The following BORA variants were observed in gnomAD, a reference collection of about 807,000 sequenced individuals.
The protein encoded by BORA is BORA aurora kinase A activator, also known as protein aurora borealis.
In BORA, 26 loss-of-function variants were observed where a neutral mutation model predicts 55.8. That is an observed-to-expected ratio of 0.47 (90% CI 0.34 to 0.65). The LOEUF is 0.65. Among genes scored for constraint, BORA ranks in the 30% least tolerant of loss-of-function variants. BORA has a pLI of 0.01. For missense variants in BORA, 568 were observed against 671.5 expected, an observed-to-expected ratio of 0.85 and a Z score of 1.70; for synonymous variants, 201 against 216.9, an observed-to-expected ratio of 0.93 and a Z score of 0.64.
intron 1 of BORA, 199 bp downstream of exon 1, chr13:72,728,206 C>A: frequency 1.3e-6 from 1 of 760,782 alleles, no homozygotes; most frequent in Non-Finnish European, 2.3e-6. Flanking sequence ...TCCAGGGAAG[C>A]CGGCTGCATC....
intron 10 of BORA, chr13:72,752,244 CTT>C (rs2033296232): frequency 1.3e-5 from 2 of 152,152 alleles, no homozygotes; most frequent in Non-Finnish European, 2.9e-5. Flanking sequence ...TAGAACATGA[CTT>C]TTTAATTTTT....
intron 5 of BORA, among the ~76,000 whole-genome samples, chr13:72,741,077 T>C (rs1410160956): frequency 6.6e-6 from 1 of 152,260 alleles, no homozygotes; most frequent in Non-Finnish European, 1.5e-5. Flanking sequence ...TTAATATTTA[T>C]GCAGCAAGGT....
chr13:72,744,964 C>A lies in BORA; in HGVS notation c.512-17C>A. On this transcript the variant is annotated splice_polypyrimidine_tract_variant and intron_variant, in intron 7 of 11. Transcript: ENST00000390667. The stretch of plus-strand genomic sequence containing the variant: ...TAAAATGACTAGCTTTGCCTTTTCT[C>A]CTATTATTAAATATAGGTGACTATT... 1 of 1,605,050 alleles carries A rather than the reference C, an allele frequency of 6.2e-7. No individual in the cohort carries two copies. The highest frequency in any genetic ancestry group is 8.5e-7 in the Non-Finnish European group (1 of 1,173,220).
intron 2 of BORA, among the ~76,000 whole-genome samples, chr13:72,730,497 A>C (rs1052076092): frequency 3.3e-5 from 5 of 152,192 alleles, no homozygotes; most frequent in African/African-American, 1.2e-4. Flanking sequence ...ACAGAAAGGC[A>C]GCACTGGTTG....
At chr13:72,733,233 A>T (rs180869590) in intron 3 of BORA, among the ~76,000 whole-genome samples, 85 of 152,298 alleles carry the variant, frequency 5.6e-4, no homozygotes, top group Middle Eastern at 3.4e-3. Context: ...CCTCTACTTC[A>T]ATTCTTCCCA....
chr13:72,738,431 T>TA (rs1310374372), intron 5 of BORA, among the ~76,000 whole-genome samples: 1 of 152,174 alleles, frequency 6.6e-6, no homozygotes, highest in Non-Finnish European at 1.5e-5. Flanking sequence ...GCTGATTTCT[T>TA]ATAAAGGTAA....
intron 5 of BORA, 80 bp from the exon 6 acceptor site, chr13:72,743,457 A>G (rs1286828491): frequency 2.0e-6 from 2 of 1,000,946 alleles, no homozygotes; most frequent in Non-Finnish European, 2.8e-6. Flanking sequence ...CACTTTCTTA[A>G]TTTTTTACTT....
chr13:72,752,856 C>A (rs1420189079), intron 10 of BORA: 1 of 152,158 alleles, frequency 6.6e-6, no homozygotes, highest in Non-Finnish European at 1.5e-5. Flanking sequence ...TCCCTCTGAT[C>A]CTAACTTGCA....
At chr13:72,742,088 C>T (rs962155472) in intron 5 of BORA, among the ~76,000 whole-genome samples, 3 of 152,102 alleles carry the variant, frequency 2.0e-5, no homozygotes, top group African/African-American at 7.2e-5. Flanking sequence ...GTGACAAAGT[C>T]ATCTGCATCC....
chr13:72,746,963 C>T lies in BORA; in HGVS notation c.1334C>T (p.Thr445Ile). 2 of 1,614,052 alleles carry T rather than the reference C, an allele frequency of 1.2e-6. No individual in the cohort carries two copies. The highest frequency in any genetic ancestry group is 1.7e-6 in the Non-Finnish European group (2 of 1,179,990). ...GATCCTATAGAGATAGCAGATGAGA[C>T]CACTTGGATTAAGGAGCCGGTTGAT... ...MVDPIEIADE[T>I]TWIKEPVDNG... The change falls in exon 10 of 12, where the codon ACC (threonine) becomes ATC (isoleucine). Residue 445 changes from threonine to isoleucine, a missense_variant. Coordinates refer to ENST00000390667, the MANE Select transcript of BORA (RefSeq NM_024808.5).
chr13:72,748,979 A>G (rs1360156634), intron 10 of BORA, among the ~76,000 whole-genome samples: 1 of 152,154 alleles, frequency 6.6e-6, no homozygotes, highest in Non-Finnish European at 1.5e-5. Flanking sequence ...GGGTAAAAAT[A>G]TGTTATGTGA....
rs1464843289 is a variant in BORA, at chr13:72,756,088, G to T, written c.*872G>T. 2.5e-6 allele frequency: 1 copy of T among 396,498 alleles called. No individual in the cohort carries two copies. The highest frequency in any genetic ancestry group is 3.6e-5 in the East Asian group (1 of 28,000). 24.6% of individuals were successfully genotyped at this position (396,498 alleles called of 1,614,324 possible). On this transcript the variant is annotated 3_prime_UTR_variant, in exon 12 of 12. Transcript: ENST00000390667. ...CTTATATCCATGTTGGGAGTAGATG[G>T]GTATATAACAGTTTGGAAATACTAT...
At position 72,746,883 on chromosome 13, in the gene BORA, A is replaced by T; in HGVS notation, c.1254A>T (p.Leu418Phe). 1 of 1,614,162 alleles carries T rather than the reference A, an allele frequency of 6.2e-7. No homozygotes were observed. The change falls in exon 10 of 12, where the codon TTA (leucine) becomes TTT (phenylalanine). Residue 418 changes from leucine (L) to phenylalanine (F), a missense_variant. Transcript: ENST00000390667. ...AGTCCAGTGCTTCTGAGAAAGAATTAGCACTGTTGCAGGATGTTGAAAGGG... is the reference window on the plus strand; with the variant it reads ...AGTCCAGTGCTTCTGAGAAAGAATTTGCACTGTTGCAGGATGTTGAAAGGG... The part of the protein sequence containing the change: ...QNQSSASEKE[L>F]ALLQDVEREK...
chr13:72,748,452 CT>C (rs1345181628), intron 10 of BORA, among the ~76,000 whole-genome samples: 1 of 152,126 alleles, frequency 6.6e-6, no homozygotes, highest in Non-Finnish European at 1.5e-5. Context: ...CTCTATAAGG[CT>C]TTAGTGTTGT....
At chr13:72,728,180 C>A in intron 1 of BORA, 173 bp downstream of exon 1, 1 of 881,414 alleles carries the variant, frequency 1.1e-6, no homozygotes, top group Non-Finnish European at 1.8e-6. Flanking sequence ...GGGGGCGACG[C>A]CTCCTTCGCA....
chr13:72,752,561 A>G (rs144106921), intron 10 of BORA: 127 of 152,342 alleles, frequency 8.3e-4, no homozygotes, highest in African/African-American at 2.9e-3. Context: ...GCAGTGATGA[A>G]TATTAGAAGG....
At chr13:72,748,561 A>G (rs532275132) in intron 10 of BORA, among the ~76,000 whole-genome samples, 15 of 152,320 alleles carry the variant, frequency 9.8e-5, no homozygotes, top group South Asian at 2.1e-4. Flanking sequence ...TCTGTTGCCT[A>G]TCCTGACTTA....
chr13:72,755,240 CTAAGCTTA>C lies in BORA; in HGVS notation c.*25_*32del. The C allele has an allele frequency of 6.3e-7, 1 of 1,587,410 alleles. No individual in the cohort carries two copies. Among genetic ancestry groups the C allele is most frequent in the Non-Finnish European group, 8.6e-7 (1 of 1,156,724 alleles). ...AGAATGCCTCTGTCAGAATCAAAGACTAAGCTTAAGAGTTCCTCGCATATATCGTTGTG... is the reference window on the plus strand; with the variant it reads ...AGAATGCCTCTGTCAGAATCAAAGACAGAGTTCCTCGCATATATCGTTGTG... On this transcript the variant is annotated 3_prime_UTR_variant, in exon 12 of 12. Transcript: ENST00000390667.
chr13:72,745,539 A>G (rs551106187), intron 8 of BORA, among the ~76,000 whole-genome samples: 13 of 152,340 alleles, frequency 8.5e-5, no homozygotes, highest in South Asian at 2.1e-4. Context: ...GTTTTAGGTC[A>G]GACTCTTCAA....
Sources: allele counts gnomAD v4.1 joint callset (sites outside exome capture counted in the v4.1 genomes callset), GRCh38; gene constraint gnomAD v4.1.1; transcripts MANE v1.5; gene names NCBI Gene and HGNC (gene_info 2026-07-23, HGNC 2026-07-21).